AGO3: variants seen among roughly 807,000 people sequenced by gnomAD.
AGO3 encodes the protein argonaute RISC catalytic component 3, also known as protein argonaute-3.
Under a neutral mutation model 105.5 loss-of-function variants are expected in AGO3, and 16 were observed. The ratio of observed to expected loss-of-function variants is 0.15; its 90% CI spans 0.10 to 0.23. The LOEUF (loss-of-function observed/expected upper bound fraction) is 0.23. Among genes scored for constraint, AGO3 ranks in the 10% least tolerant of loss-of-function variants. The probability of loss-of-function intolerance (pLI) is 1.00; values close to 1 mark genes in which losing one functional copy is unlikely to be tolerated. For missense variants in AGO3, 534 were observed against 1,088.0 expected (o/e 0.49, Z 7.16); for synonymous variants, 340 against 367.3 (o/e 0.93, Z 0.85).
Position 36,058,867 on chromosome 1 carries a change from A to G in AGO3, c.*3122A>G, listed in dbSNP as rs1642990610. ...CACTGAAATTTTACTGAATATAGTC[A>G]GGATCATGGGCAAGAGAAGAAAATA... On this transcript the variant is annotated 3_prime_UTR_variant, in exon 19 of 19. Transcript: ENST00000373191. 6.6e-6 allele frequency: 1 copy of G among 152,176 alleles called. No individual in the cohort carries two copies. The highest frequency in any genetic ancestry group is 6.5e-5 in the Admixed American group (1 of 15,268). 9.4% of individuals were successfully genotyped at this position (152,176 alleles called of 1,614,324 possible). A position where few individuals can be genotyped will look rare whatever the true frequency, so the allele number is the denominator to read the frequency against.
rs552073978 is a variant in AGO3 at position 35,957,555 on chromosome 1, G to A, written c.192-9400G>A. On this transcript the variant is annotated intron_variant, in intron 2 of 18. Coordinates refer to ENST00000373191, the MANE Select transcript of AGO3 (RefSeq NM_024852.4). ...AGCCTGGCCAACATGGTGAAACCCCGTCTCTACTAAAAATGCAAAAATTAG... is the reference window on the plus strand; with the variant it reads ...AGCCTGGCCAACATGGTGAAACCCCATCTCTACTAAAAATGCAAAAATTAG... Among the ~76,000 whole-genome samples, 9 of 151,464 alleles carry A rather than the reference G, an allele frequency of 5.9e-5. No individual in the cohort carries two copies. The East Asian group carries it at 1.4e-3, about 23-fold the overall frequency.
chr1:35,976,611 A>G (rs1646960946), intron 5 of AGO3, among the ~76,000 whole-genome samples: 1 of 152,126 alleles, frequency 6.6e-6, no homozygotes, highest in Non-Finnish European at 1.5e-5. Flanking sequence ...ATATTAAGGA[A>G]TATCTGTTTC....
chr1:36,053,887 T>A (rs1642823678), intron 17 of AGO3, among the ~76,000 whole-genome samples: 2 of 151,996 alleles, frequency 1.3e-5, no homozygotes, highest in Admixed American at 1.3e-4. Context: ...TAGCTGGGCT[T>A]ACAGGCACGC....
intron 6 of AGO3, among the ~76,000 whole-genome samples, chr1:36,004,900 A>T (rs1189433270): frequency 6.6e-6 from 1 of 152,142 alleles, no homozygotes; most frequent in Non-Finnish European, 1.5e-5. Flanking sequence ...GTCCTTTAAA[A>T]ACGTATAAAT....
intron 5 of AGO3, among the ~76,000 whole-genome samples, chr1:36,002,108 C>A (rs1049956016): frequency 6.6e-6 from 1 of 152,148 alleles, no homozygotes; most frequent in African/African-American, 2.4e-5. Context: ...CAACCTTCGC[C>A]TCATGGGTTC....
In AGO3 at chr1:36,055,534, T is replaced by C; in HGVS notation, c.2475-103T>C. ...CATAGATTGTTACACCAGTCTCTTATTTGTTAATAATTTTGAAATTTTCTA... is the reference window on the plus strand; with the variant it reads ...CATAGATTGTTACACCAGTCTCTTACTTGTTAATAATTTTGAAATTTTCTA... On this transcript the variant is annotated intron_variant, in intron 18 of 18. Coordinates refer to ENST00000373191, the MANE Select transcript of AGO3 (RefSeq NM_024852.4). This position sits in a 1 kb window ranked among gnomAD's most constrained non-coding sequence, Gnocchi z 4.4. 7 of 1,104,244 alleles carry C rather than the reference T, an allele frequency of 6.3e-6. No homozygotes were observed. Among genetic ancestry groups the C allele is most frequent in the Non-Finnish European group, 9.5e-6 (7 of 739,774 alleles). The allele number at this position is 1,104,244 out of a possible 1,614,324, so 68.4% of individuals were successfully genotyped here. A position where few individuals can be genotyped will look rare whatever the true frequency, so the allele number is the denominator to read the frequency against.
chr1:36,014,302 G>T (rs996065919), intron 11 of AGO3, among the ~76,000 whole-genome samples: 4 of 151,934 alleles, frequency 2.6e-5, no homozygotes, highest in Non-Finnish European at 5.9e-5. Flanking sequence ...GGGATTACAG[G>T]TGTGTGCCAC....
Position 36,055,335 on chromosome 1 carries a change from G to T in AGO3, c.2474+190G>T. The T allele has an allele frequency of 1.6e-6, 1 of 639,914 alleles. No individual in the cohort carries two copies. The highest frequency in any genetic ancestry group is 2.9e-5 in the Admixed American group (1 of 34,182). The allele number at this position is 639,914 out of a possible 1,614,324, so 39.6% of individuals were successfully genotyped here. The stretch of plus-strand genomic sequence containing the variant: ...AGTAATAGAATCATGTAGTAACTTA[G>T]TTGTTTTACTACATTAATTCAAAGG... On this transcript the variant is annotated intron_variant, in intron 18 of 18. Coordinates refer to ENST00000373191, the MANE Select transcript of AGO3 (RefSeq NM_024852.4). The surrounding 1 kb of genome is among the most constrained non-coding windows in gnomAD (Gnocchi z 4.4).
intron 14 of AGO3, among the ~76,000 whole-genome samples, chr1:36,036,784 T>C (rs1031661252): frequency 1.3e-5 from 2 of 152,228 alleles, no homozygotes; most frequent in Admixed American, 1.3e-4. Flanking sequence ...AACCTTCATC[T>C]CCCAGGTTCA....
At chr1:35,938,435 C>CAG (rs1405900061) in intron 1 of AGO3, among the ~76,000 whole-genome samples, 1 of 152,280 alleles carries the variant, frequency 6.6e-6, no homozygotes, top group East Asian at 1.9e-4. Context: ...TATATCTTCC[C>CAG]AGACATCCAT....
At chr1:35,971,811 A>G (rs1299983892) in intron 3 of AGO3, among the ~76,000 whole-genome samples, 1 of 152,062 alleles carries the variant, frequency 6.6e-6, no homozygotes, top group Non-Finnish European at 1.5e-5. Flanking sequence ...ATGTTGGAGC[A>G]TTTAGGGTAG....
Position 36,061,648 on chromosome 1 carries a change from A to C in AGO3, c.*5903A>C, listed in dbSNP as rs892803820. Reference sequence around the variant, plus strand: ...CCTTCCTTTTTTAGACTAATTTCTAAGGTAACCAGAATCTAATGTATCTAT... The same window carrying C: ...CCTTCCTTTTTTAGACTAATTTCTACGGTAACCAGAATCTAATGTATCTAT... On this transcript the variant is annotated 3_prime_UTR_variant, in exon 19 of 19. Coordinates refer to ENST00000373191, the MANE Select transcript of AGO3 (RefSeq NM_024852.4). 8 of 152,178 alleles carry C rather than the reference A, an allele frequency of 5.3e-5. No homozygotes were observed. Among genetic ancestry groups the C allele is most frequent in the Non-Finnish European group, 8.8e-5 (6 of 68,022 alleles). 9.4% of individuals were successfully genotyped at this position (152,178 alleles called of 1,614,324 possible). A position where few individuals can be genotyped will look rare whatever the true frequency, so the allele number is the denominator to read the frequency against.
chr1:36,041,506 G>T (rs1642251170), intron 16 of AGO3, among the ~76,000 whole-genome samples: 1 of 152,078 alleles, frequency 6.6e-6, no homozygotes, highest in African/African-American at 2.4e-5. Flanking sequence ...CTGCCAAAGT[G>T]CTGGGATTAC....
chr1:36,046,447 T>G (rs1054519933), intron 17 of AGO3, among the ~76,000 whole-genome samples: 2 of 151,764 alleles, frequency 1.3e-5, no homozygotes, highest in Admixed American at 6.6e-5. Flanking sequence ...ATCCCAGCAC[T>G]TCGGGAGGCC....
At chr1:35,983,558 C>T (rs1011871661) in intron 5 of AGO3, 1 of 152,092 alleles carries the variant, frequency 6.6e-6, no homozygotes, top group Non-Finnish European at 1.5e-5. Flanking sequence ...CCACTGCATT[C>T]CAGCAGTGAC....
chr1:36,013,556 A>AT (rs1640728194), intron 9 of AGO3, 74 bp from the exon 10 acceptor site: 7 of 1,562,826 alleles, frequency 4.5e-6, no homozygotes, highest in Non-Finnish European at 6.1e-6. Context: ...AAGAAAAAAA[A>AT]GAGGGTTCTA....
At chr1:36,031,467 T>G (rs1641771367) in intron 12 of AGO3, among the ~76,000 whole-genome samples, 1 of 129,532 alleles carries the variant, frequency 7.7e-6, no homozygotes, top group Admixed American at 8.2e-5. Flanking sequence ...TGAGAAACTC[T>G]TTATTTCTCC....
chr1:36,047,174 T>G (rs896556300), intron 17 of AGO3, among the ~76,000 whole-genome samples: 1 of 151,392 alleles, frequency 6.6e-6, no homozygotes, highest in African/African-American at 2.4e-5. Flanking sequence ...ACCTGGGAGG[T>G]GGAGGTTGCA....
At chr1:36,033,642 C>CAAAAAAAAAA (rs10717828) in intron 12 of AGO3, among the ~76,000 whole-genome samples, 1 of 131,578 alleles carries the variant, frequency 7.6e-6, no homozygotes, top group Non-Finnish European at 1.6e-5. Flanking sequence ...GAGATCCTCT[C>CAAAAAAAAAA]AAAAAAAAAA....
Sources: allele counts gnomAD v4.1 joint callset (sites outside exome capture counted in the v4.1 genomes callset), GRCh38; gene constraint gnomAD v4.1.1; non-coding constraint Gnocchi (gnomAD v3.1); transcripts MANE v1.5; gene names NCBI Gene and HGNC (gene_info 2026-07-23, HGNC 2026-07-21).